SMC6: variants seen among roughly 807,000 people sequenced by gnomAD.
SMC6 encodes structural maintenance of chromosomes 6.
A neutral mutation model predicts 142.2 loss-of-function variants in SMC6; 79 were observed. The observed-to-expected ratio is 0.56, with a 90% CI of 0.46 to 0.67. The LOEUF (loss-of-function observed/expected upper bound fraction) is 0.67. Among genes scored for constraint, SMC6 ranks in the 30% least tolerant of loss-of-function variants. The pLI, the probability that SMC6 is intolerant of heterozygous loss-of-function variation, is 0.00. For missense variants in SMC6, 1,072 were observed against 1,284.0 expected, an observed-to-expected ratio of 0.83 and a Z score of 2.52; for synonymous variants, 411 against 412.4, an observed-to-expected ratio of 1.00 and a Z score of 0.04.
At chr2:17,687,671 A>G (rs1667521504) in intron 23 of SMC6, among the ~76,000 whole-genome samples, 1 of 152,210 alleles carries the variant, frequency 6.6e-6, no homozygotes, top group African/African-American at 2.4e-5. Flanking sequence ...GGGATGAAAG[A>G]GGGAGAACAT....
chr2:17,705,171 T>C (rs778919702), intron 18 of SMC6, among the ~76,000 whole-genome samples: 21 of 151,780 alleles, frequency 1.4e-4, no homozygotes, highest in Non-Finnish European at 2.6e-4. Flanking sequence ...GGCAGGAAAA[T>C]AGCTTGAACC....
chr2:17,671,612 A>ATC, intron 25 of SMC6, among the ~76,000 whole-genome samples: 1 of 71,646 alleles, frequency 1.4e-5, no homozygotes, highest in East Asian at 2.1e-4. Flanking sequence ...CCGTCTCAAA[A>ATC]AAAAAAAAAA....
intron 21 of SMC6, among the ~76,000 whole-genome samples, chr2:17,697,031 CAAAG>C (rs1668035095): frequency 6.6e-6 from 1 of 151,966 alleles, no homozygotes; most frequent in Admixed American, 6.6e-5. Context: ...TTGGTAATCT[CAAAG>C]GAAGGACATA....
intron 4 of SMC6, among the ~76,000 whole-genome samples, chr2:17,740,468 T>A (rs1670383478): frequency 6.6e-6 from 1 of 152,208 alleles, no homozygotes; most frequent in African/African-American, 2.4e-5. Flanking sequence ...CCAGAAACTT[T>A]CTGCCTTCTG....
intron 7 of SMC6, among the ~76,000 whole-genome samples, chr2:17,729,161 T>G (rs953942480): frequency 1.6e-4 from 25 of 152,208 alleles, no homozygotes; most frequent in Admixed American, 2.0e-4. Context: ...CATTGTAACA[T>G]GTAATCAATA....
chr2:17,733,180 G>A (rs143206635), intron 5 of SMC6, among the ~76,000 whole-genome samples: 133 of 152,250 alleles, frequency 8.7e-4, no homozygotes, highest in African/African-American at 2.9e-3. Context: ...CCCATTTGTG[G>A]GAAATGCAGG....
Position 17,696,276 on chromosome 2 carries a change from A to C in SMC6, c.2532+13T>G. 2.5e-6 allele frequency: 4 copies of C among 1,579,742 alleles called. No homozygotes were observed. The highest frequency in any genetic ancestry group is 3.4e-6 in the Non-Finnish European group (4 of 1,171,142). ...GCTGAAAACAAAATAACTTGAAAAAAATGGTGAAAAACCTCTAGTTCTTTC... is the reference window on the plus strand; with the variant it reads ...GCTGAAAACAAAATAACTTGAAAAACATGGTGAAAAACCTCTAGTTCTTTC... On this transcript the variant is annotated intron_variant, in intron 22 of 27. Transcript: ENST00000448223.
intron 25 of SMC6, among the ~76,000 whole-genome samples, chr2:17,671,208 A>C (rs994707699): frequency 4.6e-5 from 7 of 151,994 alleles, no homozygotes; most frequent in Non-Finnish European, 1.0e-4. Flanking sequence ...AAAAGTGCTG[A>C]GATTTTTTGT....
intron 23 of SMC6, among the ~76,000 whole-genome samples, chr2:17,691,382 T>C (rs528837578): frequency 1.0e-3 from 155 of 149,542 alleles, no homozygotes; most frequent in Admixed American, 2.6e-3. Context: ...ACATTTTTCT[T>C]TCTTCATTCA....
Position 17,681,009 on chromosome 2 carries a change from C to T in SMC6, c.2805-2045G>A, listed in dbSNP as rs1667216611. On this transcript the variant is annotated intron_variant, in intron 24 of 27. Transcript: ENST00000448223. ...AGGCTGTTTTGTCTGTGTTGAAAAT[C>T]CATTGTTTAGTGTAGCCACTTTCAT... 4 of 152,176 alleles carry T rather than the reference C, an allele frequency of 2.6e-5. No homozygotes were observed. The South Asian group carries it at 8.3e-4, about 31-fold the overall frequency. The allele number at this position is 152,176 out of a possible 1,614,324, so 9.4% of individuals were successfully genotyped here.
intron 5 of SMC6, among the ~76,000 whole-genome samples, chr2:17,734,159 A>G (rs957650392): frequency 6.6e-6 from 1 of 152,152 alleles, no homozygotes; most frequent in African/African-American, 2.4e-5. Context: ...AGAGACAGCC[A>G]GAGATGCAAT....
chr2:17,700,625 G>GA (rs1227608068), intron 20 of SMC6, among the ~76,000 whole-genome samples: 1 of 152,104 alleles, frequency 6.6e-6, no homozygotes, highest in African/African-American at 2.4e-5. Flanking sequence ...TAATCAAAAA[G>GA]AATGACTTTC....
At chr2:17,745,024 C>T (rs986279224) in intron 3 of SMC6, among the ~76,000 whole-genome samples, 2 of 152,312 alleles carry the variant, frequency 1.3e-5, no homozygotes, top group South Asian at 2.1e-4. Flanking sequence ...TAAGGGACTT[C>T]AGCATCAGTG....
chr2:17,710,173 C>T (rs1668757288), intron 16 of SMC6, among the ~76,000 whole-genome samples: 1 of 152,136 alleles, frequency 6.6e-6, no homozygotes, highest in Middle Eastern at 3.2e-3. Flanking sequence ...ATGATGATGG[C>T]GTGAGCCAGT....
chr2:17,676,756 T>C (rs1217178331), intron 25 of SMC6, among the ~76,000 whole-genome samples: 2 of 152,174 alleles, frequency 1.3e-5, no homozygotes, highest in Non-Finnish European at 2.9e-5. Flanking sequence ...AGTGTACAGG[T>C]CTTAAATATC....
intron 4 of SMC6, among the ~76,000 whole-genome samples, chr2:17,739,056 T>A (rs1670298222): frequency 6.6e-6 from 1 of 152,198 alleles, no homozygotes; most frequent in Admixed American, 6.5e-5. Flanking sequence ...AGTACTTGCA[T>A]TATTTGTTGA....
At chr2:17,695,672 G>C (rs544205341) in intron 22 of SMC6, among the ~76,000 whole-genome samples, 2 of 152,054 alleles carry the variant, frequency 1.3e-5, no homozygotes, top group Admixed American at 6.6e-5. Flanking sequence ...CACAAACAAA[G>C]ACCCTCATGG....
intron 7 of SMC6, among the ~76,000 whole-genome samples, chr2:17,728,806 T>A (rs953869247): frequency 6.6e-6 from 1 of 152,026 alleles, no homozygotes; most frequent in Non-Finnish European, 1.5e-5. Context: ...TGGAGTGCAG[T>A]GGCGTGATCT....
intron 6 of SMC6, 72 bp from the exon 7 acceptor site, chr2:17,731,211 T>C: frequency 2.0e-6 from 2 of 992,604 alleles, no homozygotes; most frequent in African/African-American, 1.6e-5. Flanking sequence ...TATAGTTACT[T>C]ACAAAATATA....
Sources: allele counts gnomAD v4.1 joint callset (sites outside exome capture counted in the v4.1 genomes callset), GRCh38; gene constraint gnomAD v4.1.1; transcripts MANE v1.5; gene names NCBI Gene and HGNC (gene_info 2026-07-23, HGNC 2026-07-21).